The following SYVN1 variants were observed in gnomAD, a reference collection of about 807,000 sequenced individuals.
SYVN1 encodes the protein E3 ubiquitin-protein ligase synoviolin.
Under a neutral mutation model 62.6 loss-of-function variants are expected in SYVN1, and 17 were observed. That is an observed-to-expected ratio of 0.27 (90% CI 0.19 to 0.41). The LOEUF is 0.41. SYVN1 is among the 10% of genes least tolerant of loss of function. The probability of loss-of-function intolerance (pLI) is 1.00; values close to 1 mark genes in which losing one functional copy is unlikely to be tolerated. For synonymous variants in SYVN1, 316 were observed against 304.0 expected (o/e 1.04, Z -0.41); for missense variants, 634 against 818.0 (o/e 0.78, Z 2.74).
chr11:65,131,064 G>A lies in SYVN1; in HGVS notation c.825-28C>T. 3.1e-6 allele frequency: 5 copies of A among 1,613,776 alleles called. No individual in the cohort carries two copies. The South Asian group carries it at 5.5e-5, about 18-fold the overall frequency. On this transcript the variant is annotated intron_variant, in intron 9 of 15. Transcript: ENST00000377190. Reference sequence around the variant, plus strand: ...GGTTAGGATGACAGGGGCTGTATCAGGTCCAGAGCTGGAAGCAGAGGGACC... The same window carrying A: ...GGTTAGGATGACAGGGGCTGTATCAAGTCCAGAGCTGGAAGCAGAGGGACC...
Position 65,130,783 on chromosome 11 carries a change from T to TG in SYVN1, c.981dup (p.Thr328HisfsTer169). The TG allele has an allele frequency of 1.3e-6, 2 of 1,543,700 alleles. No individual in the cohort carries two copies. Among genetic ancestry groups the TG allele is most frequent in the Non-Finnish European group, 1.7e-6 (2 of 1,150,356 alleles). ...GCACGAAGGACATCCATACGGCAGG[T>TG]GGGGCAGGTCTGCTGCCGCTGGAAC... On this transcript the variant is annotated frameshift_variant, in exon 11 of 16. Transcript: ENST00000377190. LOFTEE classifies it high-confidence loss of function.
In SYVN1 at chr11:65,130,685, T is replaced by C; in HGVS notation, c.1080A>G (p.Pro360=). The C allele has an allele frequency of 5.1e-6, 2 of 389,570 alleles. No individual in the cohort carries two copies. The highest frequency in any genetic ancestry group is 7.2e-6 in the Non-Finnish European group (2 of 277,308). The allele number at this position is 389,570 out of a possible 1,614,324, so 24.1% of individuals were successfully genotyped here. A position where few individuals can be genotyped will look rare whatever the true frequency, so the allele number is the denominator to read the frequency against. The change falls in exon 11 of 16, where the codon CCA becomes CCG. Residue 360 remains proline, a synonymous_variant. Coordinates refer to ENST00000377190, the MANE Select transcript of SYVN1 (RefSeq NM_172230.3). ...AGTTGGGGGGCTGAGGCAAGAGTGGTGGGGGGTGGGGGGCAGGGGGTGGCC... is the reference window on the plus strand; with the variant it reads ...AGTTGGGGGGCTGAGGCAAGAGTGGCGGGGGGTGGGGGGCAGGGGGTGGCC... ...DQGPPPAPHP[P]PLLPQPPNFP...
intron 14 of SYVN1, 160 bp downstream of exon 14, chr11:65,129,569 G>C (rs1948147586): frequency 1.6e-6 from 1 of 609,788 alleles, no homozygotes; most frequent in South Asian, 2.1e-5. Flanking sequence ...GGAAATAAAG[G>C]CACCAGGAGT....
Position 65,132,750 on chromosome 11 carries a change from A to G in SYVN1, c.409T>C (p.Phe137Leu). ...MERSPNISWLFHCRIVSLMFL... is the reference protein window; with the variant it reads ...MERSPNISWLLHCRIVSLMFL... ...CACTCACAGACAATGCGGCAGTGAA[A>G]GAGCCAGGAGATGTTGGGGCTGCGT... Residue 137 changes from phenylalanine to leucine, a missense_variant, in exon 5 of 16, where the codon TTT (phenylalanine) becomes CTT (leucine). Phe to Leu is a conservative substitution (Grantham distance 22). This residue lies in a region of SYVN1 where 283 missense variants were observed against 444.7 expected (regional missense o/e 0.64). Transcript: ENST00000377190. 1 of 1,614,094 alleles carries G rather than the reference A, an allele frequency of 6.2e-7. No individual in the cohort carries two copies. The highest frequency in any genetic ancestry group is 8.5e-7 in the Non-Finnish European group (1 of 1,180,006).
rs765069123 is a variant in SYVN1 at position 65,131,579 on chromosome 11, C to T, written c.549G>A (p.Thr183=). ...ACTTGATGAAGATGGTGAGCACCAT[C>T]GTCATCAGGATGGCATACTGAAGGG... is the stretch of plus-strand genomic sequence containing the variant. The part of the protein sequence containing the change: ...VFGFEYAILM[T]MVLTIFIKYV... Residue 183 remains threonine, a synonymous_variant, in exon 7 of 16, where the codon ACG becomes ACA. Transcript: ENST00000377190. The T allele has an allele frequency of 5.0e-6, 8 of 1,613,652 alleles. No homozygotes were observed. The highest frequency in any genetic ancestry group is 3.3e-5 in the Admixed American group (2 of 59,990).
In SYVN1 at chr11:65,128,108, T is replaced by C. The variant is rs542597231; in HGVS notation, c.*274A>G. ...GGGAAGAAGAGGGCTTCTCAGAGGC[T>C]AAACCTTCTGCCTTCATGGCCCCAG... On this transcript the variant is annotated 3_prime_UTR_variant, in exon 16 of 16. Transcript: ENST00000377190. The C allele has an allele frequency of 3.5e-6, 2 of 565,056 alleles. No homozygotes were observed. Among genetic ancestry groups the C allele is most frequent in the Admixed American group, 3.2e-5 (1 of 31,270 alleles). The allele number at this position is 565,056 out of a possible 1,614,324, so 35.0% of individuals were successfully genotyped here. A position where few individuals can be genotyped will look rare whatever the true frequency, so the allele number is the denominator to read the frequency against.
In SYVN1 at chr11:65,133,740, TCAGA is replaced by T. The variant is rs575245940; in HGVS notation, c.-17-126_-17-123del. On this transcript the variant is annotated intron_variant, in intron 1 of 15. Transcript: ENST00000377190. ...AAATCACATTTCGCCCTCGAAATCA[TCAGA>T]CAAAGAATAGCTTACGCTACCCCAT... 5.1e-4 allele frequency: 404 copies of T among 793,402 alleles called. 2 individuals are homozygous for T. Among genetic ancestry groups the T allele is most frequent in the African/African-American group, 5.1e-3 (295 of 58,046 alleles). 49.1% of individuals were successfully genotyped at this position (793,402 alleles called of 1,614,324 possible).
intron 5 of SYVN1, 49 bp downstream of exon 5, chr11:65,132,683 C>T (rs1948196534): frequency 6.3e-7 from 1 of 1,599,898 alleles, no homozygotes. Context: ...AGTACAGGTC[C>T]ACGGTTCACG....
intron 1 of SYVN1, among the ~76,000 whole-genome samples, chr11:65,134,019 G>A (rs546919864): frequency 6.6e-6 from 1 of 152,386 alleles, no homozygotes; most frequent in African/African-American, 2.4e-5. Flanking sequence ...CCAGGGCTGA[G>A]AGCAGCCAAG....
chr11:65,132,855 T>A, intron 4 of SYVN1, 67 bp downstream of exon 4: 1 of 1,612,866 alleles, frequency 6.2e-7, no homozygotes. Context: ...CCCTCCCTGC[T>A]CCTTAAGCCT....
intron 3 of SYVN1, 21 bp from the exon 4 acceptor site, chr11:65,133,095 A>C: frequency 6.2e-7 from 1 of 1,614,182 alleles, no homozygotes; most frequent in Non-Finnish European, 8.5e-7. Flanking sequence ...GGCAGGGAAT[A>C]ATGTGGATAC....
chr11:65,128,544 G>A lies in SYVN1; in HGVS notation c.1747+19C>T, dbSNP rs759694205. On this transcript the variant is annotated intron_variant, in intron 15 of 15. Coordinates refer to ENST00000377190, the MANE Select transcript of SYVN1 (RefSeq NM_172230.3). ...AGAGAAGTTCCCTGCTCCCCCGGCT[G>A]GAGGCCAATCACACCTACCTGGAGG... 2.5e-6 allele frequency: 4 copies of A among 1,613,588 alleles called. No individual in the cohort carries two copies. In the South Asian group the frequency reaches 4.4e-5, roughly 18 times the overall value.
Position 65,130,143 on chromosome 11 carries a change from T to A in SYVN1, c.1267A>T (p.Thr423Ser). Residue 423 changes from threonine to serine, a missense_variant, in exon 13 of 16, where the codon ACC (threonine) becomes TCC (serine). Thr to Ser is a moderately conservative substitution (Grantham distance 58). Coordinates refer to ENST00000377190, the MANE Select transcript of SYVN1 (RefSeq NM_172230.3). The stretch of plus-strand genomic sequence containing the variant: ...GTAGCACTGGTGCCAGCAGCTGTGG[T>A]TGTAGCTGCTCCACTGGGCCGAGAA... ...ALSRPSGAAT[T>S]TAAGTSATAA... The A allele has an allele frequency of 1.2e-6, 2 of 1,609,090 alleles. No individual in the cohort carries two copies. Among genetic ancestry groups the A allele is most frequent in the South Asian group, 2.2e-5 (2 of 90,476 alleles).
chr11:65,133,438 G>A (rs373874625), intron 2 of SYVN1, 32 bp downstream of exon 2: 26 of 1,609,108 alleles, frequency 1.6e-5, no homozygotes, highest in Non-Finnish European at 2.0e-5. Flanking sequence ...TCCCTCCCAG[G>A]GAGTTCCTCC....
At chr11:65,134,129 C>T (rs1295803981) in intron 1 of SYVN1, 2 of 154,068 alleles carry the variant, frequency 1.3e-5, no homozygotes, top group Admixed American at 1.3e-4. Context: ...CGGGGAACGT[C>T]AGCCTGGAAT....
In SYVN1 at chr11:65,133,264, G is replaced by GA; in HGVS notation, c.133-13dup. The stretch of plus-strand genomic sequence containing the variant: ...TGGATGTACAGGACCTAGGAGTGGG[G>GA]AGAGGCTGTGGTTTGAGGTCACTTT... On this transcript the variant is annotated splice_polypyrimidine_tract_variant and intron_variant, in intron 2 of 15. Transcript: ENST00000377190. 1 of 1,613,972 alleles carries GA rather than the reference G, an allele frequency of 6.2e-7. No individual in the cohort carries two copies. The highest frequency in any genetic ancestry group is 1.3e-5 in the African/African-American group (1 of 75,052).
In SYVN1 at chr11:65,128,347, A is replaced by T; in HGVS notation, c.*35T>A. ...GGACATGTTCCAGCGAGGGCTGCTC[A>T]AAAGAGCAGAGGCTGGGGCTGGGCT... is the stretch of plus-strand genomic sequence containing the variant. On this transcript the variant is annotated 3_prime_UTR_variant, in exon 16 of 16. Coordinates refer to ENST00000377190, the MANE Select transcript of SYVN1 (RefSeq NM_172230.3). The T allele has an allele frequency of 2.6e-6, 4 of 1,559,060 alleles. No individual in the cohort carries two copies. The highest frequency in any genetic ancestry group is 3.5e-6 in the Non-Finnish European group (4 of 1,139,302).
chr11:65,132,541 G>A, intron 5 of SYVN1, 190 bp from the exon 6 acceptor site: 1 of 791,888 alleles, frequency 1.3e-6, no homozygotes. Flanking sequence ...TGCCCAGGCT[G>A]CAGGTGAGAA....
chr11:65,128,547 G>A lies in SYVN1; in HGVS notation c.1747+16C>T, dbSNP rs999804057. 1.5e-5 allele frequency: 25 copies of A among 1,613,656 alleles called. No individual in the cohort carries two copies. Among genetic ancestry groups the A allele is most frequent in the Non-Finnish European group, 2.1e-5 (25 of 1,179,724 alleles). On this transcript the variant is annotated intron_variant, in intron 15 of 15. Coordinates refer to ENST00000377190, the MANE Select transcript of SYVN1 (RefSeq NM_172230.3). ...GAAGTTCCCTGCTCCCCCGGCTGGA[G>A]GCCAATCACACCTACCTGGAGGCCT...
Sources: gnomAD v4.1 joint callset for allele counts (sites outside exome capture counted in the v4.1 genomes callset) on GRCh38, gnomAD v4.1.1 for gene constraint, gnomAD v4.1.1 regional missense constraint, MANE v1.5 for transcripts, NCBI Gene and HGNC (gene_info 2026-07-23, HGNC 2026-07-21) for gene names.